ATP10A: variants seen among roughly 807,000 people sequenced by gnomAD.
The protein encoded by ATP10A is phospholipid-transporting ATPase VA.
In ATP10A, 111 loss-of-function variants were observed where a neutral mutation model predicts 147.8. The observed-to-expected ratio is 0.75, with a 90% CI of 0.64 to 0.88. The LOEUF is 0.88. Ranked by LOEUF, ATP10A falls within the 40% of genes least tolerant of loss-of-function variation. ATP10A has a pLI of 0.00. For missense variants in ATP10A, 1,927 were observed against 1,959.0 expected (o/e 0.98, Z 0.31); for synonymous variants, 875 against 841.6 (o/e 1.04, Z -0.69).
chr15:25,729,674 C>G (rs1045874414), intron 3 of ATP10A, among the ~76,000 whole-genome samples: 2 of 152,204 alleles, frequency 1.3e-5, no homozygotes, highest in African/African-American at 2.4e-5. Context: ...CAGCCACCCC[C>G]ACACAGCATG....
At chr15:25,726,110 A>G in intron 4 of ATP10A, 28 bp from the exon 5 acceptor site, 1 of 1,608,918 alleles carries the variant, frequency 6.2e-7, no homozygotes, top group Non-Finnish European at 8.5e-7. Flanking sequence ...GAGACATGGC[A>G]AGTCAGAGAC....
chr15:25,837,092 G>A (rs941059519), intron 1 of ATP10A, among the ~76,000 whole-genome samples: 2 of 150,892 alleles, frequency 1.3e-5, no homozygotes, highest in South Asian at 2.1e-4. Context: ...ATTTTTTTTC[G>A]GTGAAAACAC....
chr15:25,694,785 G>A (rs1367228077), intron 14 of ATP10A, 34 bp downstream of exon 14: 1 of 1,565,868 alleles, frequency 6.4e-7, no homozygotes, highest in Admixed American at 1.8e-5. Flanking sequence ...GGGTCCAGCT[G>A]GGAGGAGGCC....
chr15:25,718,081 T>A, intron 8 of ATP10A, 101 bp downstream of exon 8: 2 of 1,260,056 alleles, frequency 1.6e-6, no homozygotes, highest in Non-Finnish European at 2.2e-6. Context: ...CCAGCGACAG[T>A]GTATTTGTAG....
chr15:25,790,476 G>A (rs1890362114), intron 1 of ATP10A, among the ~76,000 whole-genome samples: 1 of 152,164 alleles, frequency 6.6e-6, no homozygotes, highest in Non-Finnish European at 1.5e-5. Flanking sequence ...TGTCCCAGCG[G>A]AACTCACCCC....
intron 12 of ATP10A, among the ~76,000 whole-genome samples, chr15:25,705,397 T>C (rs964246187): frequency 1.4e-5 from 2 of 148,066 alleles, no homozygotes; most frequent in African/African-American, 5.0e-5. Context: ...GATCGCACCA[T>C]TGCACTCCAG....
chr15:25,716,853 C>G lies in ATP10A; in HGVS notation c.1653G>C (p.Ala551=), dbSNP rs76685513. Residue 551 remains alanine, a synonymous_variant, in exon 9 of 21, where the codon GCG becomes GCC. Coordinates refer to ENST00000555815, the MANE Select transcript of ATP10A (RefSeq NM_024490.4). ...GGGCCAGCAGGTGCTCCTGATGCCT[C>G]GCCACGGCTAGGCTCTTGTCACACT... is the stretch of plus-strand genomic sequence containing the variant. ...VSECDKSLAV[A]RHQEHLLAHL... 3 of 1,610,456 alleles carry G rather than the reference C, an allele frequency of 1.9e-6. No individual in the cohort carries two copies. The highest frequency in any genetic ancestry group is 2.5e-6 in the Non-Finnish European group (3 of 1,178,558).
intron 1 of ATP10A, among the ~76,000 whole-genome samples, chr15:25,800,573 C>A (rs1890891150): frequency 6.6e-6 from 1 of 152,182 alleles, no homozygotes; most frequent in South Asian, 2.1e-4. Context: ...GGCACTGTTC[C>A]ACCGTGCACC....
At chr15:25,724,111 T>C (rs1902407884) in intron 5 of ATP10A, 90 bp from the exon 6 acceptor site, 1 of 1,294,138 alleles carries the variant, frequency 7.7e-7, no homozygotes, top group Non-Finnish European at 1.0e-6. Flanking sequence ...TTAATATTTG[T>C]TACCTGATGC....
intron 2 of ATP10A, among the ~76,000 whole-genome samples, chr15:25,766,720 C>T (rs1485984801): frequency 6.6e-6 from 1 of 152,048 alleles, no homozygotes; most frequent in Admixed American, 6.5e-5. Context: ...TCCATCCCAG[C>T]ACCCTGAGCT....
intron 1 of ATP10A, among the ~76,000 whole-genome samples, chr15:25,840,770 G>A (rs1054685060): frequency 2.6e-5 from 4 of 152,120 alleles, no homozygotes; most frequent in Non-Finnish European, 5.9e-5. Flanking sequence ...CCACAGCAAC[G>A]TAGGAGAGAT....
chr15:25,832,878 C>A (rs1174495849), intron 1 of ATP10A, among the ~76,000 whole-genome samples: 6 of 151,782 alleles, frequency 4.0e-5, no homozygotes, highest in Middle Eastern at 3.4e-3. Flanking sequence ...CTGATTATCA[C>A]AATTTGATCA....
chr15:25,850,624 C>G (rs561429203), intron 1 of ATP10A, among the ~76,000 whole-genome samples: 1 of 151,536 alleles, frequency 6.6e-6, no homozygotes, highest in African/African-American at 2.4e-5. Flanking sequence ...CAGCGCTGCT[C>G]CATTCTCCCT....
intron 12 of ATP10A, among the ~76,000 whole-genome samples, chr15:25,705,563 A>G (rs537881207): frequency 2.4e-4 from 37 of 152,276 alleles, no homozygotes; most frequent in Middle Eastern, 3.4e-3. Context: ...GAGCTGGAAC[A>G]CAGTGCCCGC....
chr15:25,831,642 C>G (rs917628519), intron 1 of ATP10A, among the ~76,000 whole-genome samples: 1 of 152,164 alleles, frequency 6.6e-6, no homozygotes, highest in Non-Finnish European at 1.5e-5. Flanking sequence ...ACACGATGTG[C>G]AAAGCATGGT....
intron 2 of ATP10A, among the ~76,000 whole-genome samples, chr15:25,760,894 T>C (rs142665658): frequency 1.7e-3 from 259 of 152,338 alleles, no homozygotes; most frequent in South Asian, 5.2e-3. Context: ...TTTCAGCCAT[T>C]CCACCTCTGG....
intron 4 of ATP10A, among the ~76,000 whole-genome samples, chr15:25,726,634 G>C (rs1902573734): frequency 6.6e-6 from 1 of 151,664 alleles, no homozygotes; most frequent in Non-Finnish European, 1.5e-5. Flanking sequence ...TAGTAGAGAT[G>C]GGGTTTCACT....
Position 25,783,046 on chromosome 15 carries a change from C to T in ATP10A, c.450-1823G>A, listed in dbSNP as rs111974146. On this transcript the variant is annotated intron_variant, in intron 1 of 20. Coordinates refer to ENST00000555815, the MANE Select transcript of ATP10A (RefSeq NM_024490.4). ...AAAAAATTAGTTGGGCATGGTGGCA[C>T]GAGCCTGTAGTCCCAGCTACTTGAC... Among the ~76,000 whole-genome samples the T allele has an allele frequency of 3.7e-3, 560 of 152,014 alleles. 4 individuals are homozygous for T. Among genetic ancestry groups the T allele is most frequent in the Admixed American group, 4.3e-3 (66 of 15,252 alleles).
At chr15:25,698,663 G>A (rs1900490364) in intron 13 of ATP10A, among the ~76,000 whole-genome samples, 1 of 151,982 alleles carries the variant, frequency 6.6e-6, no homozygotes, top group Admixed American at 6.6e-5. Flanking sequence ...ATAAACTGAT[G>A]GAAAATAAAA....
Sources: allele counts gnomAD v4.1 joint callset (sites outside exome capture counted in the v4.1 genomes callset), GRCh38; gene constraint gnomAD v4.1.1; transcripts MANE v1.5; gene names NCBI Gene and HGNC (gene_info 2026-07-23, HGNC 2026-07-21).